A4GNT: variants seen among roughly 807,000 people sequenced by gnomAD.
The protein encoded by A4GNT is alpha-1,4-N-acetylglucosaminyltransferase.
In A4GNT, 6 loss-of-function variants were observed where a neutral mutation model predicts 8.3. That is an observed-to-expected ratio of 0.72 (90% CI 0.39 to 1.42). The LOEUF (loss-of-function observed/expected upper bound fraction) is 1.42, where lower values mean the gene tolerates loss of function less well. Ranked by LOEUF, A4GNT falls within the 40% of genes most tolerant of loss-of-function variation. The pLI, the probability that A4GNT is intolerant of heterozygous loss-of-function variation, is 0.02. For missense variants in A4GNT, 377 were observed against 417.0 expected (o/e 0.90, Z 0.84); for synonymous variants, 157 against 159.8 (o/e 0.98, Z 0.13).
chr3:138,131,415 G>C, intron 1 of A4GNT, 133 bp from the exon 2 acceptor site: 1 of 801,650 alleles, frequency 1.2e-6, no homozygotes, highest in Non-Finnish European at 1.8e-6. Context: ...ATGAAATCAA[G>C]TCCAGCAATA....
intron 2 of A4GNT, 33 bp from the exon 3 acceptor site, chr3:138,124,911 G>A (rs1287519349): frequency 1.3e-6 from 2 of 1,592,290 alleles, no homozygotes; most frequent in East Asian, 2.2e-5. Flanking sequence ...GCCCCAAGTA[G>A]CCAGGGGAAG....
chr3:138,127,588 C>A (rs867999942), intron 2 of A4GNT, among the ~76,000 whole-genome samples: 3,232 of 149,082 alleles, frequency 0.022, 117 homozygotes, highest in African/African-American at 0.071. Context: ...AAAAAAAAAA[C>A]AAAAAACATA....
rs771053768 is a variant in A4GNT at position 138,132,231 on chromosome 3, A to G, written c.-46T>C. 3 of 152,216 alleles carry G rather than the reference A, an allele frequency of 2.0e-5. No homozygotes were observed. Among genetic ancestry groups the G allele is most frequent in the Non-Finnish European group, 4.4e-5 (3 of 68,044 alleles). The allele number at this position is 152,216 out of a possible 1,614,324, so 9.4% of individuals were successfully genotyped here. On this transcript the variant is annotated 5_prime_UTR_variant, in exon 1 of 3. Coordinates refer to ENST00000236709, the MANE Select transcript of A4GNT (RefSeq NM_016161.3). ...CGTTACCTGCAGTGCTTTCCTCACC[A>G]AAAATGTTAGCTCTAACCAAGGAGA... is the stretch of plus-strand genomic sequence containing the variant.
chr3:138,124,398 C>G lies in A4GNT; in HGVS notation c.889G>C (p.Gly297Arg), dbSNP rs200109290. 3 of 1,614,254 alleles carry G rather than the reference C, an allele frequency of 1.9e-6. No homozygotes were observed. The highest frequency in any genetic ancestry group is 1.3e-5 in the African/African-American group (1 of 75,070). ...LHLWNHMNQE[G>R]RAVIRGSNTL... The stretch of plus-strand genomic sequence containing the variant: ...TTGCTTCCTCTAATCACAGCCCGCC[C>G]CTCCTGGTTCATGTGGTTCCACAAA... The change falls in exon 3 of 3, where the codon GGG becomes CGG. Residue 297 changes from glycine (G) to arginine (R), a missense_variant. Transcript: ENST00000236709.
Position 138,124,043 on chromosome 3 carries a change from G to T in A4GNT, c.*221C>A. ...TCCTACTGCCTGAAATGCAAACATGGTGGGTTGGAGGTCAAGCAGTCAAAT... is the reference window on the plus strand; with the variant it reads ...TCCTACTGCCTGAAATGCAAACATGTTGGGTTGGAGGTCAAGCAGTCAAAT... On this transcript the variant is annotated 3_prime_UTR_variant, in exon 3 of 3. Coordinates refer to ENST00000236709, the MANE Select transcript of A4GNT (RefSeq NM_016161.3). 1 of 541,046 alleles carries T rather than the reference G, an allele frequency of 1.8e-6. No individual in the cohort carries two copies. Among genetic ancestry groups the T allele is most frequent in the Non-Finnish European group, 3.1e-6 (1 of 318,776 alleles). 33.5% of individuals were successfully genotyped at this position (541,046 alleles called of 1,614,324 possible).
chr3:138,132,269 C>A lies in A4GNT; in HGVS notation c.-84G>T, dbSNP rs185007152. On this transcript the variant is annotated 5_prime_UTR_variant, in exon 1 of 3. Coordinates refer to ENST00000236709, the MANE Select transcript of A4GNT (RefSeq NM_016161.3). ...CTAACCAAGGAGAACACAGATCTCACGTCTTGGCAGGTCTATCTTTCAAAT... is the reference window on the plus strand; with the variant it reads ...CTAACCAAGGAGAACACAGATCTCAAGTCTTGGCAGGTCTATCTTTCAAAT... 6.6e-6 allele frequency: 1 copy of A among 152,210 alleles called. No homozygotes were observed. Among genetic ancestry groups the A allele is most frequent in the Non-Finnish European group, 1.5e-5 (1 of 68,040 alleles). The allele number at this position is 152,210 out of a possible 1,614,324, so 9.4% of individuals were successfully genotyped here.
At position 138,131,105 on chromosome 3, in the gene A4GNT, C is replaced by A; in HGVS notation, c.152G>T (p.Gly51Val). The change falls in exon 2 of 3, where the codon GGC becomes GTC. Residue 51 changes from glycine to valine, a missense_variant. Transcript: ENST00000236709. Reference protein sequence around the residue: ...GLEALLSHRRGIVFLETSERM... With the variant: ...GLEALLSHRRVIVFLETSERM... ...CTCTGAGGTCTCTAGAAACACAATG[C>A]CACGTCTGTGGCTCAGGAGGGCTTC... is the stretch of plus-strand genomic sequence containing the variant. 1 of 1,613,524 alleles carries A rather than the reference C, an allele frequency of 6.2e-7. No individual in the cohort carries two copies. Among genetic ancestry groups the A allele is most frequent in the Middle Eastern group, 1.7e-4 (1 of 6,060 alleles).
Position 138,124,313 on chromosome 3 carries a change from T to C in A4GNT, c.974A>G (p.Lys325Arg), listed in dbSNP as rs764560674. The change falls in exon 3 of 3, where the codon AAA becomes AGA. Residue 325 changes from lysine (K) to arginine (R), a missense_variant. Transcript: ENST00000236709. ...HCPRTYRDLI[K>R]GPEGSVTGEL... ...CCCAGTCACTGACCCCTCTGGGCCT[T>C]TAATCAGGTCCCTGTAAGTCCTGGG... The C allele has an allele frequency of 1.2e-6, 2 of 1,614,102 alleles. No homozygotes were observed.
In A4GNT at chr3:138,124,538, A is replaced by G; in HGVS notation, c.749T>C (p.Leu250Pro). 6.2e-7 allele frequency: 1 copy of G among 1,614,260 alleles called. No individual in the cohort carries two copies. Among genetic ancestry groups the G allele is most frequent in the Non-Finnish European group, 8.5e-7 (1 of 1,180,044 alleles). ...TTGGGGGTGTAAGAAGGATATGTTC[A>G]GACACCTGAGGTCGCTCACCTCCTG... ...DFQEVSDLRC[L>P]NISFLHPQRF... Residue 250 changes from leucine to proline, a missense_variant, in exon 3 of 3, where the codon CTG becomes CCG. By Grantham distance (98) the Leu-to-Pro change is moderately conservative. Coordinates refer to ENST00000236709, the MANE Select transcript of A4GNT (RefSeq NM_016161.3).
In A4GNT at chr3:138,124,952, C is replaced by T. The variant is rs185502663; in HGVS notation, c.409-74G>A. On this transcript the variant is annotated intron_variant, in intron 2 of 2. Transcript: ENST00000236709. Reference sequence around the variant, plus strand: ...GGGGCATCACAGCAGGAGGCCAGGCCCAGAGAGGCTGGGGAGGGGTTAAAG... The same window carrying T: ...GGGGCATCACAGCAGGAGGCCAGGCTCAGAGAGGCTGGGGAGGGGTTAAAG... The T allele has an allele frequency of 6.0e-4, 918 of 1,533,706 alleles. 8 individuals carry two copies. In the African/African-American group the frequency reaches 0.011, roughly 18 times the overall value.
rs1198047808 is a variant in A4GNT, at chr3:138,130,902, A to G, written c.355T>C (p.Leu119=). 6.2e-7 allele frequency: 1 copy of G among 1,614,064 alleles called. No individual in the cohort carries two copies. The highest frequency in any genetic ancestry group is 8.5e-7 in the Non-Finnish European group (1 of 1,180,046). ...TCTTCAAGCAGCCTTTTCATATCCAAAGGGAAGAGGAAAACGTTGTCTATT... is the reference window on the plus strand; with the variant it reads ...TCTTCAAGCAGCCTTTTCATATCCAGAGGGAAGAGGAAAACGTTGTCTATT... ...SAIDNVFLFP[L]DMKRLLEDTP... The change falls in exon 2 of 3, where the codon TTG becomes CTG. Residue 119 remains leucine, a synonymous_variant. Coordinates refer to ENST00000236709, the MANE Select transcript of A4GNT (RefSeq NM_016161.3).
rs775942381 is a variant in A4GNT at position 138,131,204 on chromosome 3, C to G, written c.53G>C (p.Gly18Ala). ...CTTCAGGGTGAACTGGTAGAGGAAGCCACAGACAAGCAGCAAGGTGACTGA... is the reference window on the plus strand; with the variant it reads ...CTTCAGGGTGAACTGGTAGAGGAAGGCACAGACAAGCAGCAAGGTGACTGA... ...SLSVTLLLVC[G>A]FLYQFTLKSS... The change falls in exon 2 of 3, where the codon GGC becomes GCC. Residue 18 changes from glycine to alanine, a missense_variant. Gly to Ala is a moderately conservative substitution (Grantham distance 60, BLOSUM62 0). Coordinates refer to ENST00000236709, the MANE Select transcript of A4GNT (RefSeq NM_016161.3). 1 of 1,608,602 alleles carries G rather than the reference C, an allele frequency of 6.2e-7. No homozygotes were observed. The highest frequency in any genetic ancestry group is 2.2e-5 in the East Asian group (1 of 44,730).
In A4GNT at chr3:138,124,480, C is replaced by T; in HGVS notation, c.807G>A (p.Arg269=). The part of the protein sequence containing the change: ...RFYPISYREW[R]RYYEVWDTEP... ...CTGTATCCCACACTTCATAGTAGCGCCTCCACTCTCGATAGGAGATGGGGT... is the reference window on the plus strand; with the variant it reads ...CTGTATCCCACACTTCATAGTAGCGTCTCCACTCTCGATAGGAGATGGGGT... The change falls in exon 3 of 3, where the codon AGG becomes AGA. Residue 269 remains arginine (R), a synonymous_variant. Coordinates refer to ENST00000236709, the MANE Select transcript of A4GNT (RefSeq NM_016161.3). 6.2e-7 allele frequency: 1 copy of T among 1,614,200 alleles called. No individual in the cohort carries two copies. Among genetic ancestry groups the T allele is most frequent in the African/African-American group, 1.3e-5 (1 of 75,050 alleles).
upstream of A4GNT, chr3:138,132,405 A>G (rs931649919): frequency 4.6e-5 from 7 of 152,242 alleles, no homozygotes; most frequent in African/African-American, 1.7e-4. Context: ...TCTTCCTGCT[A>G]CACTTTCTGA....
At position 138,124,515 on chromosome 3, in the gene A4GNT, G is replaced by A. The variant is rs2042733073; in HGVS notation, c.772C>T (p.Gln258Ter). ...RCLNISFLHP[Q>*]RFYPISYREW... ...CGATAGGAGATGGGGTAAAATCTTT[G>A]GGGGTGTAAGAAGGATATGTTCAGA... Residue 258 changes from glutamine (Q) to a stop codon, truncating the protein, a stop_gained, in exon 3 of 3, where the codon CAA becomes TAA. Coordinates refer to ENST00000236709, the MANE Select transcript of A4GNT (RefSeq NM_016161.3). LOFTEE classifies it low-confidence loss of function (END_TRUNC). 1 of 1,614,064 alleles carries A rather than the reference G, an allele frequency of 6.2e-7. No homozygotes were observed. The highest frequency in any genetic ancestry group is 1.3e-5 in the African/African-American group (1 of 74,914).
chr3:138,131,427 TA>T (rs376911300), intron 1 of A4GNT, 145 bp from the exon 2 acceptor site: 10,963 of 663,730 alleles, frequency 0.017, 20 homozygotes, highest in African/African-American at 0.031. Context: ...CCAGCAATAT[TA>T]AAAAAAAAAT....
chr3:138,126,979 A>C (rs1228211114), intron 2 of A4GNT, among the ~76,000 whole-genome samples: 3 of 150,168 alleles, frequency 2.0e-5, no homozygotes, highest in Non-Finnish European at 4.4e-5. Context: ...AAAATCCAAA[A>C]AAAATAGCCA....
chr3:138,131,196 A>G lies in A4GNT; in HGVS notation c.61T>C (p.Tyr21His), dbSNP rs1227493933. The G allele has an allele frequency of 6.2e-7, 1 of 1,610,818 alleles. No homozygotes were observed. Among genetic ancestry groups the G allele is most frequent in the East Asian group, 2.2e-5 (1 of 44,790 alleles). ...VTLLLVCGFL[Y>H]QFTLKSSCLF... is the part of the protein sequence containing the mutation. ...CAGCTGGACTTCAGGGTGAACTGGT[A>G]GAGGAAGCCACAGACAAGCAGCAAG... Residue 21 changes from tyrosine to histidine, a missense_variant, in exon 2 of 3, where the codon TAC (tyrosine) becomes CAC (histidine). Coordinates refer to ENST00000236709, the MANE Select transcript of A4GNT (RefSeq NM_016161.3).
rs2042728109 is a variant in A4GNT at position 138,123,765 on chromosome 3, G to C, written c.*499C>G. The C allele has an allele frequency of 6.5e-6, 1 of 153,078 alleles. No homozygotes were observed. Among genetic ancestry groups the C allele is most frequent in the African/African-American group, 2.4e-5 (1 of 41,400 alleles). The allele number at this position is 153,078 out of a possible 1,614,324, so 9.5% of individuals were successfully genotyped here. ...AATGCATTAATGAATGTCAAAATCA[G>C]GACTAGAAATCAAGTCTCTTTTTAC... is the stretch of plus-strand genomic sequence containing the variant. On this transcript the variant is annotated 3_prime_UTR_variant, in exon 3 of 3. Coordinates refer to ENST00000236709, the MANE Select transcript of A4GNT (RefSeq NM_016161.3).
Sources: gnomAD v4.1 joint callset for allele counts (sites outside exome capture counted in the v4.1 genomes callset) on GRCh38, gnomAD v4.1.1 for gene constraint, MANE v1.5 for transcripts, NCBI Gene and HGNC (gene_info 2026-07-23, HGNC 2026-07-21) for gene names.